Variants in MEFV observed in about 807,000 individuals in gnomAD.
MEFV encodes MEFV innate immunity regulator, pyrin.
In MEFV, 60 loss-of-function variants were observed where a neutral mutation model predicts 62.5. The ratio of observed to expected loss-of-function variants is 0.96; its 90% CI spans 0.78 to 1.19. MEFV has a LOEUF of 1.19. MEFV is among the 50% of genes most tolerant of loss of function. The pLI is 0.00. For missense variants in MEFV, 1,169 were observed against 1,004.5 expected, an observed-to-expected ratio of 1.16 and a Z score of -2.21; for synonymous variants, 500 against 415.2, an observed-to-expected ratio of 1.20 and a Z score of -2.48.
At chr16:3,244,218 C>A in intron 8 of MEFV, 36 bp downstream of exon 8, 9 of 1,613,810 alleles carry the variant, frequency 5.6e-6, no homozygotes, top group Non-Finnish European at 6.8e-6. Context: ...ACTGCAACAA[C>A]CCCAGGCCAG....
intron 7 of MEFV, 60 bp from the exon 8 acceptor site, chr16:3,244,346 AT>A: frequency 6.2e-7 from 1 of 1,612,810 alleles, no homozygotes; most frequent in Admixed American, 1.7e-5. Context: ...CCAGGGACAG[AT>A]GGAGGAGAGG....
intron 4 of MEFV, 129 bp from the exon 5 acceptor site, chr16:3,247,375 G>A (rs1025159429): frequency 1.4e-6 from 1 of 715,488 alleles, no homozygotes; most frequent in African/African-American, 1.8e-5. Context: ...TCAAGGCCTA[G>A]ATTCCAGAGC....
At chr16:3,256,192 G>T in intron 1 of MEFV, 119 bp downstream of exon 1, 2 of 1,204,310 alleles carry the variant, frequency 1.7e-6, no homozygotes, top group Non-Finnish European at 2.4e-6. Context: ...TCTGGATTTT[G>T]GTAGACCTGA....
chr16:3,245,710 T>C (rs567911178), intron 6 of MEFV, among the ~76,000 whole-genome samples: 1 of 152,192 alleles, frequency 6.6e-6, no homozygotes, highest in African/African-American at 2.4e-5. Context: ...CTGGAGCCCC[T>C]GTGTGCTGCT....
intron 4 of MEFV, 142 bp from the exon 5 acceptor site, chr16:3,247,388 G>A (rs1245597975): frequency 3.0e-6 from 2 of 667,952 alleles, no homozygotes; most frequent in Non-Finnish European, 5.2e-6. Flanking sequence ...TCCAGAGCAG[G>A]AGGCGATATT....
At chr16:3,249,332 G>A in intron 3 of MEFV, 99 bp downstream of exon 3, 1 of 1,112,800 alleles carries the variant, frequency 9.0e-7, no homozygotes, top group South Asian at 1.3e-5. Context: ...AAGAATGCTG[G>A]TTAATGCACC....
chr16:3,246,930 C>G lies in MEFV; in HGVS notation c.1587+86G>C, dbSNP rs1958951109. 4 of 1,325,600 alleles carry G rather than the reference C, an allele frequency of 3.0e-6. No individual in the cohort carries two copies. In the South Asian group the frequency reaches 4.8e-5, roughly 16 times the overall value. The allele number at this position is 1,325,600 out of a possible 1,614,324, so 82.1% of individuals were successfully genotyped here. Reference sequence around the variant, plus strand: ...GCCTTAGGGGCTTCACCCACTTGTTCCAGCACGGCTGATGGCAGAGCTGGG... The same window carrying G: ...GCCTTAGGGGCTTCACCCACTTGTTGCAGCACGGCTGATGGCAGAGCTGGG... On this transcript the variant is annotated intron_variant, in intron 5 of 9. Transcript: ENST00000219596.
chr16:3,245,232 G>C (rs1958922660), intron 6 of MEFV, among the ~76,000 whole-genome samples: 1 of 151,916 alleles, frequency 6.6e-6, no homozygotes, highest in South Asian at 2.1e-4. Flanking sequence ...AGCCTGCAGT[G>C]AGCTGTGACT....
In MEFV at chr16:3,244,166, G is replaced by A. The variant is rs776213884; in HGVS notation, c.1759+88C>T. 1.9e-6 allele frequency: 3 copies of A among 1,571,242 alleles called. No individual in the cohort carries two copies. In the South Asian group the frequency reaches 3.5e-5, roughly 18 times the overall value. On this transcript the variant is annotated intron_variant, in intron 8 of 9. Transcript: ENST00000219596. ...CTCCAGGTGTTTGGTTTTTTTTTTT[G>A]TCTTCTAAATAGGGCCCCTCAAGTC...
intron 8 of MEFV, 137 bp from the exon 9 acceptor site, chr16:3,244,029 G>C (rs754753961): frequency 6.4e-7 from 1 of 1,553,350 alleles, no homozygotes; most frequent in South Asian, 1.2e-5. Flanking sequence ...GTATAATCCC[G>C]TTCCTCCCAG....
rs956722067 is a variant in MEFV, at chr16:3,243,285, C to T, written c.2202G>A (p.Val734=). The change falls in exon 10 of 10, where the codon GTG becomes GTA. Residue 734 remains valine (V), a synonymous_variant. Coordinates refer to ENST00000219596, the MANE Select transcript of MEFV (RefSeq NM_000243.3). The part of the protein sequence containing the change: ...YRVGSISFYN[V]TARSHIYTFA... ...ATGTATAGATGTGGGATCTGGCTGTCACATTGTAAAAGGAGATGCTTCCAA... is the reference window on the plus strand; with the variant it reads ...ATGTATAGATGTGGGATCTGGCTGTTACATTGTAAAAGGAGATGCTTCCAA... 1.2e-5 allele frequency: 19 copies of T among 1,614,054 alleles called. No homozygotes were observed. The highest frequency in any genetic ancestry group is 1.4e-5 in the Non-Finnish European group (17 of 1,180,056).
At chr16:3,252,213 C>A (rs1567236068) in intron 2 of MEFV, among the ~76,000 whole-genome samples, 1 of 151,708 alleles carries the variant, frequency 6.6e-6, no homozygotes. Context: ...TTTGAAGACT[C>A]ATGCAGCATA....
At chr16:3,252,524 T>C (rs1030240976) in intron 2 of MEFV, among the ~76,000 whole-genome samples, 2 of 151,974 alleles carry the variant, frequency 1.3e-5, no homozygotes, top group African/African-American at 2.4e-5. Context: ...TCCGCCCCCA[T>C]TGGCCTCCCA....
intron 6 of MEFV, among the ~76,000 whole-genome samples, chr16:3,245,150 T>A (rs1185658955): frequency 4.6e-5 from 7 of 152,046 alleles, no homozygotes; most frequent in African/African-American, 1.4e-4. Context: ...TAGCCGGAAG[T>A]GGTAGCACAT....
Position 3,254,380 on chromosome 16 carries a change from C to T in MEFV, c.688G>A (p.Glu230Lys), listed in dbSNP as rs104895080. Residue 230 changes from glutamate (E) to lysine (K), a missense_variant, in exon 2 of 10, where the codon GAA (glutamate) becomes AAA (lysine). Transcript: ENST00000219596. ...APGQKECRPF[E>K]VYLPSGKMRP... Reference sequence around the variant, plus strand: ...ATCTTTCCCGAGGGCAGGTACACTTCGAAGGGCCTGCACTCCTTCTGCCCC... The same window carrying T: ...ATCTTTCCCGAGGGCAGGTACACTTTGAAGGGCCTGCACTCCTTCTGCCCC... 3.4e-4 allele frequency: 547 copies of T among 1,614,138 alleles called. 9 individuals carry two copies. The South Asian group carries it at 5.0e-3, about 15-fold the overall frequency.
Position 3,249,759 on chromosome 16 carries a change from G to GC in MEFV, c.931dup (p.Ala311GlyfsTer14). On this transcript the variant is annotated frameshift_variant, in exon 3 of 10. Coordinates refer to ENST00000219596, the MANE Select transcript of MEFV (RefSeq NM_000243.3). LOFTEE classifies it high-confidence loss of function. ...TTCCTGGGCGTGGCAGCGGGGACTC[G>GC]CAGCCGTGTCTGGTGGCCTTCCTGG... 6.2e-7 allele frequency: 1 copy of GC among 1,614,046 alleles called. No homozygotes were observed. The highest frequency in any genetic ancestry group is 8.5e-7 in the Non-Finnish European group (1 of 1,179,966).
chr16:3,254,300 A>C lies in MEFV; in HGVS notation c.768T>G (p.Asn256Lys). The C allele has an allele frequency of 6.2e-7, 1 of 1,614,156 alleles. No homozygotes were observed. Among genetic ancestry groups the C allele is most frequent in the Non-Finnish European group, 8.5e-7 (1 of 1,180,018 alleles). The change falls in exon 2 of 10, where the codon AAT becomes AAG. Residue 256 changes from asparagine (N) to lysine (K), a missense_variant. Coordinates refer to ENST00000219596, the MANE Select transcript of MEFV (RefSeq NM_000243.3). ...TISTGEKAPA[N>K]PEILLTLEEK... is the part of the protein sequence containing the mutation. ...CCTCTAGAGTCAGGAGAATTTCTGG[A>C]TTTGCGGGCGCCTTCTCCCCTGTAG... is the stretch of plus-strand genomic sequence containing the variant.
At chr16:3,250,445 CAAAAAATT>C (rs930997582) in intron 2 of MEFV, among the ~76,000 whole-genome samples, 1 of 151,796 alleles carries the variant, frequency 6.6e-6, no homozygotes, top group Non-Finnish European at 1.5e-5. Flanking sequence ...CCCACCTCTA[CAAAAAATT>C]AAAAAATTAG....
Position 3,254,679 on chromosome 16 carries a change from T to A in MEFV, c.389A>T (p.Asn130Ile). The stretch of plus-strand genomic sequence containing the variant: ...TCCGCCCCCGTACGGCCGAGGGCCG[T>A]TCCCCTCGTTCCCCTCGGGGTGGTC... ...TPDHPEGNEGNGPRPYGGGAA... is the reference protein window; with the variant it reads ...TPDHPEGNEGIGPRPYGGGAA... The change falls in exon 2 of 10, where the codon AAC (asparagine) becomes ATC (isoleucine). Residue 130 changes from asparagine to isoleucine, a missense_variant. Asn to Ile is a moderately radical substitution (Grantham distance 149). Coordinates refer to ENST00000219596, the MANE Select transcript of MEFV (RefSeq NM_000243.3). 6.2e-7 allele frequency: 1 copy of A among 1,612,142 alleles called. No individual in the cohort carries two copies. The highest frequency in any genetic ancestry group is 8.5e-7 in the Non-Finnish European group (1 of 1,179,744).
Sources: gnomAD v4.1 joint callset for allele counts (sites outside exome capture counted in the v4.1 genomes callset) on GRCh38, gnomAD v4.1.1 for gene constraint, MANE v1.5 for transcripts, NCBI Gene and HGNC (gene_info 2026-07-23, HGNC 2026-07-21) for gene names.